The following ZNF385D variants were observed in gnomAD, a reference collection of about 807,000 sequenced individuals.
ZNF385D encodes zinc finger protein 385D, also known as zinc finger protein 659.
In ZNF385D, 15 loss-of-function variants were observed where a neutral mutation model predicts 35.8. The ratio of observed to expected loss-of-function variants is 0.42; its 90% confidence interval spans 0.28 to 0.64. ZNF385D has a LOEUF of 0.64. Ranked by LOEUF, ZNF385D falls within the 30% of genes least tolerant of loss-of-function variation. The pLI, the probability that ZNF385D is intolerant of heterozygous loss-of-function variation, is 0.23. For synonymous variants in ZNF385D, 212 were observed against 186.8 expected, an observed-to-expected ratio of 1.13 and a Z score of -1.10; for missense variants, 474 against 494.6, an observed-to-expected ratio of 0.96 and a Z score of 0.39.
intron 5 of ZNF385D, among the ~76,000 whole-genome samples, chr3:21,427,136 C>A (rs1168219433): frequency 6.6e-6 from 1 of 152,090 alleles, no homozygotes; most frequent in Non-Finnish European, 1.5e-5. Flanking sequence ...CAAATGCTTT[C>A]CACTGCAGCT....
intron 4 of ZNF385D, among the ~76,000 whole-genome samples, chr3:21,453,923 G>A (rs1252463100): frequency 6.6e-6 from 1 of 151,956 alleles, no homozygotes; most frequent in Non-Finnish European, 1.5e-5. Context: ...CATAGCAGCA[G>A]TATTCATAAT....
intron 3 of ZNF385D, among the ~76,000 whole-genome samples, chr3:22,018,185 G>A (rs79705868): frequency 0.032 from 4,876 of 151,454 alleles, 125 homozygotes; most frequent in South Asian, 0.085. Context: ...TTAAAGATGC[G>A]CAGTATCAAT....
chr3:22,050,489 G>C (rs1699283478), intron 3 of ZNF385D, among the ~76,000 whole-genome samples: 1 of 152,136 alleles, frequency 6.6e-6, no homozygotes, highest in African/African-American at 2.4e-5. Flanking sequence ...CCTTTGACAG[G>C]AAATGTTTCA....
At chr3:22,162,037 C>T (rs1705988927) in intron 3 of ZNF385D, among the ~76,000 whole-genome samples, 1 of 152,100 alleles carries the variant, frequency 6.6e-6, no homozygotes, top group Non-Finnish European at 1.5e-5. Context: ...TGGGATTCAA[C>T]AAATGATGTA....
upstream of ZNF385D, among the ~76,000 whole-genome samples, chr3:21,753,269 G>C (rs757188124): frequency 1.3e-5 from 2 of 152,094 alleles, no homozygotes; most frequent in African/African-American, 4.8e-5. Flanking sequence ...CTTACTATTT[G>C]TTTGTTGAAT....
chr3:22,076,541 A>G (rs1370736233), intron 3 of ZNF385D, among the ~76,000 whole-genome samples: 2 of 151,926 alleles, frequency 1.3e-5, no homozygotes, highest in Admixed American at 6.6e-5. Flanking sequence ...CACAGTCTCT[A>G]TTACTATATA....
chr3:21,711,061 A>ATTTTTTTTT (rs2068087402), intron 1 of ZNF385D, among the ~76,000 whole-genome samples: 1 of 10,948 alleles, frequency 9.1e-5, no homozygotes, highest in Non-Finnish European at 1.7e-4. Context: ...TTTTTTTTTG[A>ATTTTTTTTT]GATGGAGTCT....
intron 1 of ZNF385D, among the ~76,000 whole-genome samples, chr3:21,742,340 G>C (rs1226943518): frequency 6.6e-6 from 1 of 152,156 alleles, no homozygotes; most frequent in South Asian, 2.1e-4. Context: ...TCCCTCTTAA[G>C]TGTATCTTCC....
intron 3 of ZNF385D, among the ~76,000 whole-genome samples, chr3:21,876,224 A>T (rs1697957114): frequency 6.6e-6 from 1 of 151,918 alleles, no homozygotes. Context: ...TTTTCAAAAC[A>T]CATATCTTGT....
At chr3:21,705,908 G>A (rs1374414240) in intron 1 of ZNF385D, among the ~76,000 whole-genome samples, 1 of 152,156 alleles carries the variant, frequency 6.6e-6, no homozygotes, top group Non-Finnish European at 1.5e-5. Context: ...ACCAAGCTCT[G>A]GTTGCCAAAG....
At chr3:21,976,292 C>T (rs1265079480) in intron 3 of ZNF385D, among the ~76,000 whole-genome samples, 1 of 152,056 alleles carries the variant, frequency 6.6e-6, no homozygotes, top group Non-Finnish European at 1.5e-5. Flanking sequence ...AAATAGACAA[C>T]AGAAACATAT....
At chr3:21,720,763 G>A (rs1365012740) in intron 1 of ZNF385D, among the ~76,000 whole-genome samples, 2 of 152,188 alleles carry the variant, frequency 1.3e-5, no homozygotes, top group African/African-American at 2.4e-5. Flanking sequence ...GATTGGCTAT[G>A]TTAACAATAT....
chr3:21,655,303 C>T (rs1347260680), intron 2 of ZNF385D, among the ~76,000 whole-genome samples: 2 of 151,956 alleles, frequency 1.3e-5, no homozygotes, highest in East Asian at 1.9e-4. Flanking sequence ...TTGCCTTAGG[C>T]TGTAAAGTAT....
chr3:21,781,182 A>G (rs1280528072), intron 3 of ZNF385D, among the ~76,000 whole-genome samples: 1 of 151,216 alleles, frequency 6.6e-6, no homozygotes, highest in East Asian at 1.9e-4. Context: ...AGACAAATGT[A>G]AATCTGGAAA....
intron 4 of ZNF385D, among the ~76,000 whole-genome samples, chr3:21,495,176 G>A (rs868114168): frequency 6.6e-5 from 10 of 151,474 alleles, no homozygotes; most frequent in Middle Eastern, 7.0e-3. Context: ...AAATAACCTC[G>A]AGTTCCATCA....
At chr3:21,736,243 A>C (rs556946665) in intron 1 of ZNF385D, among the ~76,000 whole-genome samples, 2 of 152,330 alleles carry the variant, frequency 1.3e-5, no homozygotes, top group South Asian at 2.1e-4. Flanking sequence ...AGATGGTGAC[A>C]TCATCGCTGC....
chr3:22,070,112 A>G (rs2125560634), intron 3 of ZNF385D, among the ~76,000 whole-genome samples: 1 of 152,304 alleles, frequency 6.6e-6, no homozygotes, highest in Non-Finnish European at 1.5e-5. Flanking sequence ...TCCTATTTTA[A>G]TAATTTCCCA....
At chr3:21,828,239 G>C (rs1309411073) in intron 3 of ZNF385D, among the ~76,000 whole-genome samples, 1 of 152,132 alleles carries the variant, frequency 6.6e-6, no homozygotes, top group Non-Finnish European at 1.5e-5. Flanking sequence ...TCCGTGTTGA[G>C]AAGTTCGTGG....
chr3:21,809,539 T>C (rs974745631), intron 3 of ZNF385D, among the ~76,000 whole-genome samples: 1 of 151,552 alleles, frequency 6.6e-6, no homozygotes, highest in African/African-American at 2.4e-5. Context: ...ATTGTGATAA[T>C]TTAAGAATGT....
Sources: allele counts gnomAD v4.1 joint callset (sites outside exome capture counted in the v4.1 genomes callset), GRCh38; gene constraint gnomAD v4.1.1; transcripts MANE v1.5; gene names NCBI Gene and HGNC (gene_info 2026-07-23, HGNC 2026-07-21).